The following ROR2 variants were observed in gnomAD, a reference collection of about 807,000 sequenced individuals.
The protein encoded by ROR2 is tyrosine-protein kinase transmembrane receptor ROR2.
Under a neutral mutation model 74.9 loss-of-function variants are expected in ROR2, and 33 were observed. That is an observed-to-expected ratio of 0.44 (90% CI 0.33 to 0.59). ROR2 has a LOEUF of 0.59. ROR2 is among the 20% of genes least tolerant of loss of function. The pLI is 0.02. For missense variants in ROR2, 1,216 were observed against 1,313.8 expected, an observed-to-expected ratio of 0.93 and a Z score of 1.15; for synonymous variants, 586 against 558.7, an observed-to-expected ratio of 1.05 and a Z score of -0.69.
At chr9:91,734,075 C>T (rs72744455) in intron 5 of ROR2, among the ~76,000 whole-genome samples, 13,072 of 152,128 alleles carry the variant, frequency 0.086, 760 homozygotes, top group Middle Eastern at 0.15. Flanking sequence ...TTTGGTAGGG[C>T]GGTTTGTTTT....
chr9:91,849,894 T>C (rs1031134096), intron 1 of ROR2, among the ~76,000 whole-genome samples: 1 of 152,248 alleles, frequency 6.6e-6, no homozygotes, highest in Non-Finnish European at 1.5e-5. Flanking sequence ...GAGGTTTGAG[T>C]CACCTCATTT....
chr9:91,861,691 A>G (rs1829471988), intron 1 of ROR2, among the ~76,000 whole-genome samples: 1 of 152,232 alleles, frequency 6.6e-6, no homozygotes, highest in African/African-American at 2.4e-5. Context: ...CTTGAGTTAA[A>G]CAGTTTCTAA....
chr9:91,948,713 C>T (rs564258579), intron 1 of ROR2: 1 of 985,510 alleles, frequency 1.0e-6, no homozygotes, highest in Middle Eastern at 5.2e-4. Context: ...CGATTCTCAC[C>T]TTCCTGCAGG....
intron 1 of ROR2, among the ~76,000 whole-genome samples, chr9:91,927,562 C>CTTTTTTTTTGTTTTTTT (rs1831440514): frequency 1.1e-5 from 1 of 94,944 alleles, no homozygotes; most frequent in Non-Finnish European, 2.0e-5. Flanking sequence ...TTTCTAGATT[C>CTTTTTTTTTGTTTTTTT]TTTTTTTTTT....
intron 4 of ROR2, among the ~76,000 whole-genome samples, chr9:91,746,854 G>T (rs1230289708): frequency 1.7e-4 from 17 of 100,430 alleles, no homozygotes. Context: ...CTTTCCTTGA[G>T]CAGGTGTGTG....
intron 1 of ROR2, among the ~76,000 whole-genome samples, chr9:91,894,975 G>A (rs987363906): frequency 4.6e-5 from 7 of 152,200 alleles, no homozygotes; most frequent in African/African-American, 1.7e-4. Flanking sequence ...CCTGCACAAG[G>A]ATATTTACAG....
intron 1 of ROR2, among the ~76,000 whole-genome samples, chr9:91,891,818 C>T (rs936685782): frequency 3.3e-5 from 5 of 151,892 alleles, no homozygotes; most frequent in South Asian, 2.1e-4. Flanking sequence ...GAGGCCAAGA[C>T]GGGAGAATCA....
At chr9:91,816,201 G>C (rs989519880) in intron 1 of ROR2, among the ~76,000 whole-genome samples, 3 of 152,156 alleles carry the variant, frequency 2.0e-5, no homozygotes, top group African/African-American at 7.2e-5. Flanking sequence ...CAGCAACCTT[G>C]CTCGGGCTCA....
rs1302280425 is a variant in ROR2 at position 91,839,451 on chromosome 9, T to C, written c.98-63633A>G. 4.6e-5 allele frequency among the ~76,000 whole-genome samples: 7 copies of C among 150,676 alleles called. No individual in the cohort carries two copies. In the East Asian group the frequency reaches 1.4e-3, roughly 29 times the overall value. Reference sequence around the variant, plus strand: ...GTATGTGTGGTGTGGGGTGTCTATGTGTGTGTGTATATGTGAGGTGTATAC... The same window carrying C: ...GTATGTGTGGTGTGGGGTGTCTATGCGTGTGTGTATATGTGAGGTGTATAC... On this transcript the variant is annotated intron_variant, in intron 1 of 8. Transcript: ENST00000375708.
In ROR2 at chr9:91,724,841, C is replaced by G. The variant is rs767614738; in HGVS notation, c.1653G>C (p.Met551Ile). The G allele has an allele frequency of 1.2e-6, 2 of 1,604,012 alleles. No individual in the cohort carries two copies. Among genetic ancestry groups the G allele is most frequent in the East Asian group, 2.2e-5 (1 of 44,732 alleles). Reference protein sequence around the residue: ...GVVTKDQPLSMIFSYCSHGDL... With the variant: ...GVVTKDQPLSIIFSYCSHGDL... ...CGCCGTGCGAACAGTAGCTGAAGAT[C>G]ATGCTCAGGGGCTGGTCCTTGGTCA... is the stretch of plus-strand genomic sequence containing the variant. The change falls in exon 9 of 9, where the codon ATG (methionine) becomes ATC (isoleucine). Residue 551 changes from methionine (M) to isoleucine (I), a missense_variant. By Grantham distance (10) the Met-to-Ile change is conservative. Transcript: ENST00000375708.
At chr9:91,742,793 G>A (rs867150180) in intron 4 of ROR2, among the ~76,000 whole-genome samples, 9 of 152,130 alleles carry the variant, frequency 5.9e-5, no homozygotes, top group Admixed American at 2.0e-4. Flanking sequence ...ACATTCACTC[G>A]CGACTTACTC....
chr9:91,775,753 G>C lies in ROR2; in HGVS notation c.163C>G (p.Pro55Ala). The change falls in exon 2 of 9, where the codon CCA (proline) becomes GCA (alanine). Residue 55 changes from proline to alanine, a missense_variant. Coordinates refer to ENST00000375708, the MANE Select transcript of ROR2 (RefSeq NM_004560.4). ...GPLDGQDGPI[P>A]TLKGYFLNFL... ...TGTCCCAGCTCACCTTTCAGAGTTG[G>C]AATCGGGCCGTCCTGCCCATCAAGG... The C allele has an allele frequency of 6.2e-7, 1 of 1,614,136 alleles. No individual in the cohort carries two copies. Among genetic ancestry groups the C allele is most frequent in the Non-Finnish European group, 8.5e-7 (1 of 1,179,994 alleles).
At chr9:91,904,278 G>T (rs964426067) in intron 1 of ROR2, among the ~76,000 whole-genome samples, 1 of 152,114 alleles carries the variant, frequency 6.6e-6, no homozygotes, top group Non-Finnish European at 1.5e-5. Flanking sequence ...GGGTGAGGAG[G>T]TTCCTCAGAT....
At chr9:91,838,377 C>A (rs990220167) in intron 1 of ROR2, among the ~76,000 whole-genome samples, 1 of 152,194 alleles carries the variant, frequency 6.6e-6, no homozygotes, top group Non-Finnish European at 1.5e-5. Context: ...AGGGCTGAGA[C>A]GCCCTTCTGC....
Position 91,740,271 on chromosome 9 carries a change from G to A in ROR2, c.495-2753C>T, listed in dbSNP as rs1825175711. Among the ~76,000 whole-genome samples the A allele has an allele frequency of 2.6e-5, 4 of 152,228 alleles. No homozygotes were observed. In the South Asian group the frequency reaches 6.2e-4, roughly 24 times the overall value. ...AATCTGAATAGACAATATCCAGGCTGGGCGCGGTGGCTCAAACCTGTAATC... is the reference window on the plus strand; with the variant it reads ...AATCTGAATAGACAATATCCAGGCTAGGCGCGGTGGCTCAAACCTGTAATC... On this transcript the variant is annotated intron_variant, in intron 4 of 8. Transcript: ENST00000375708.
chr9:91,782,584 C>CAAAAAAAAAAA (rs55664591), intron 1 of ROR2, among the ~76,000 whole-genome samples: 2 of 79,810 alleles, frequency 2.5e-5, no homozygotes, highest in Non-Finnish European at 4.8e-5. Context: ...TAGCTGATAG[C>CAAAAAAAAAAA]AAAAAAAAAA....
chr9:91,770,524 C>T (rs1826194646), intron 2 of ROR2, among the ~76,000 whole-genome samples: 1 of 152,250 alleles, frequency 6.6e-6, no homozygotes, highest in Non-Finnish European at 1.5e-5. Context: ...TTATTGCCTC[C>T]TGGAACCAGG....
intron 1 of ROR2, among the ~76,000 whole-genome samples, chr9:91,826,502 C>T (rs1388458602): frequency 1.3e-5 from 2 of 152,158 alleles, no homozygotes; most frequent in South Asian, 2.1e-4. Context: ...ATAAATGTGG[C>T]TGGGCGTGGT....
intron 1 of ROR2, among the ~76,000 whole-genome samples, chr9:91,887,926 G>A (rs1011539836): frequency 2.6e-5 from 4 of 151,056 alleles, no homozygotes; most frequent in African/African-American, 9.8e-5. Flanking sequence ...TGCGTAGCTG[G>A]GATTACAGGC....
Sources: gnomAD v4.1 joint callset for allele counts (sites outside exome capture counted in the v4.1 genomes callset) on GRCh38, gnomAD v4.1.1 for gene constraint, MANE v1.5 for transcripts, NCBI Gene and HGNC (gene_info 2026-07-23, HGNC 2026-07-21) for gene names.